PFKFB4: variants seen among roughly 807,000 people sequenced by gnomAD.
PFKFB4 encodes 6-phosphofructo-2-kinase/fructose-2,6-bisphosphatase 4.
A neutral mutation model predicts 62.8 loss-of-function variants in PFKFB4; 42 were observed. That is an observed-to-expected ratio of 0.67 (90% CI 0.52 to 0.86). The LOEUF (loss-of-function observed/expected upper bound fraction) is 0.86. PFKFB4 is among the 40% of genes least tolerant of loss of function. The pLI is 0.00. For missense variants in PFKFB4, 475 were observed against 627.2 expected, an observed-to-expected ratio of 0.76 and a Z score of 2.59; for synonymous variants, 204 against 240.7, an observed-to-expected ratio of 0.85 and a Z score of 1.41.
chr3:48,545,903 G>A (rs2042947447), intron 3 of PFKFB4, among the ~76,000 whole-genome samples: 1 of 152,154 alleles, frequency 6.6e-6, no homozygotes, highest in African/African-American at 2.4e-5. Flanking sequence ...AGAGCCCCAC[G>A]TTCTGGGCTA....
chr3:48,523,581 T>G lies in PFKFB4; in HGVS notation c.1241A>C (p.Lys414Thr). Residue 414 changes from lysine (K) to threonine (T), a missense_variant, in exon 12 of 14, where the codon AAG becomes ACG. Physicochemically the swap from Lys to Thr is moderately conservative, Grantham distance 78. Transcript: ENST00000232375. ...CTTCAGGACTGTGTGCAGCGGACAC[T>G]TGAGGTAGGGCAGCTGTTCTGTAGA... ...DKAAEQLPYLKCPLHTVLKLT... is the reference protein window; with the variant it reads ...DKAAEQLPYLTCPLHTVLKLT... The G allele has an allele frequency of 6.2e-7, 1 of 1,614,184 alleles. No homozygotes were observed. Among genetic ancestry groups the G allele is most frequent in the Non-Finnish European group, 8.5e-7 (1 of 1,180,022 alleles).
rs201114950 is a variant in PFKFB4, at chr3:48,549,937, G to A, written c.238C>T (p.Arg80Trp). The A allele has an allele frequency of 3.7e-5, 59 of 1,613,226 alleles. No individual in the cohort carries two copies. The highest frequency in any genetic ancestry group is 1.6e-4 in the Middle Eastern group (1 of 6,084). Residue 80 changes from arginine (R) to tryptophan (W), a missense_variant, in exon 3 of 14, where the codon CGG becomes TGG. By Grantham distance (101) the Arg-to-Trp change is moderately radical. Transcript: ENST00000232375. ...TREFNVGQYR[R>W]DVVKTYKSFE... ...GATTTGTAGGTCTTGACCACGTCCC[G>A]GCGATACTGGCCAACATTGAACTCT...
intron 8 of PFKFB4, 135 bp from the exon 9 acceptor site, chr3:48,535,793 T>G: frequency 1.0e-6 from 1 of 1,000,966 alleles, no homozygotes; most frequent in Non-Finnish European, 1.5e-6. Context: ...TGAACTAACT[T>G]GTCGATGACA....
In PFKFB4 at chr3:48,556,594, C is replaced by A; in HGVS notation, c.97+87G>T. ...CCCGGTTCCCCATCTGTCTCCCGCC[C>A]CTTCTCCATGCGAGACCCCCGCCCA... On this transcript the variant is annotated intron_variant, in intron 1 of 13. Transcript: ENST00000232375. This position sits in a 1 kb window ranked among gnomAD's most constrained non-coding sequence, Gnocchi z 5.7. 1 of 1,438,588 alleles carries A rather than the reference C, an allele frequency of 7.0e-7. No individual in the cohort carries two copies. The highest frequency in any genetic ancestry group is 9.4e-7 in the Non-Finnish European group (1 of 1,065,874). 89.1% of individuals were successfully genotyped at this position (1,438,588 alleles called of 1,614,324 possible).
At chr3:48,561,131 G>A, upstream of PFKFB4, 1 of 1,275,588 alleles carries the variant, frequency 7.8e-7, no homozygotes, top group South Asian at 1.3e-5. The surrounding 1 kb of genome is among the most constrained non-coding windows in gnomAD (Gnocchi z 5.2). Flanking sequence ...AACCAAACTG[G>A]CCAGGGCCAC....
chr3:48,543,594 C>G lies in PFKFB4; in HGVS notation c.364G>C (p.Gly122Arg), dbSNP rs1301741570. The change falls in exon 4 of 14, where the codon GGG becomes CGG. Residue 122 changes from glycine (G) to arginine (R), a missense_variant. Gly to Arg is a moderately radical substitution (Grantham distance 125). Coordinates refer to ENST00000232375, the MANE Select transcript of PFKFB4 (RefSeq NM_004567.4). The stretch of plus-strand genomic sequence containing the variant: ...GTCACACTCACCGCCACATGTCCCC[C>G]CTCCTCACTAAGGAACCGCCGGACG... The part of the protein sequence containing the change: ...RDVRRFLSEE[G>R]GHVAVFDATN... The G allele has an allele frequency of 2.5e-6, 4 of 1,610,624 alleles. No individual in the cohort carries two copies. Among genetic ancestry groups the G allele is most frequent in the Non-Finnish European group, 3.4e-6 (4 of 1,178,780 alleles).
At chr3:48,535,850 C>A (rs1197920516) in intron 8 of PFKFB4, among the ~76,000 whole-genome samples, 192 bp from the exon 9 acceptor site, 2 of 152,200 alleles carry the variant, frequency 1.3e-5, no homozygotes, top group Non-Finnish European at 2.9e-5. Context: ...GTGCACCCTC[C>A]CAGACCCTGA....
At position 48,538,590 on chromosome 3, in the gene PFKFB4, G is replaced by C; in HGVS notation, c.540C>G (p.Val180=). 1.2e-6 allele frequency: 2 copies of C among 1,614,206 alleles called. No individual in the cohort carries two copies. Among genetic ancestry groups the C allele is most frequent in the Non-Finnish European group, 1.7e-6 (2 of 1,180,040 alleles). The change falls in exon 7 of 14, where the codon GTC becomes GTG. Residue 180 remains valine, a synonymous_variant. Transcript: ENST00000232375. ...VQVKLGSPDY[V]NRDSDEATED... Reference sequence around the variant, plus strand: ...CCGTAGCCTCATCACTGTCGCGGTTGACATAGTCAGGGCTGCCCAGTTTCA... The same window carrying C: ...CCGTAGCCTCATCACTGTCGCGGTTCACATAGTCAGGGCTGCCCAGTTTCA...
chr3:48,539,685 A>G lies in PFKFB4; in HGVS notation c.453+12T>C, dbSNP rs774746958. Reference sequence around the variant, plus strand: ...ACAGTTCCGCCAAGGAGAGGAGCCAAGGAGGCCTCACCTTGTAGCCATTCT... The same window carrying G: ...ACAGTTCCGCCAAGGAGAGGAGCCAGGGAGGCCTCACCTTGTAGCCATTCT... On this transcript the variant is annotated intron_variant, in intron 5 of 13. Coordinates refer to ENST00000232375, the MANE Select transcript of PFKFB4 (RefSeq NM_004567.4). 6.2e-7 allele frequency: 1 copy of G among 1,606,564 alleles called. No homozygotes were observed. The highest frequency in any genetic ancestry group is 1.3e-5 in the African/African-American group (1 of 74,928).
chr3:48,520,053 G>A (rs2042049868), intron 13 of PFKFB4, among the ~76,000 whole-genome samples: 1 of 152,212 alleles, frequency 6.6e-6, no homozygotes, highest in Admixed American at 6.5e-5. Context: ...CTCCACTGCA[G>A]CCAGGTCAGG....
At chr3:48,544,168 C>T (rs1286421824) in intron 3 of PFKFB4, among the ~76,000 whole-genome samples, 4 of 151,986 alleles carry the variant, frequency 2.6e-5, no homozygotes, top group African/African-American at 7.2e-5. Flanking sequence ...TGCACCACCA[C>T]GCCCAGCTAA....
At chr3:48,551,344 T>C (rs2043142795) in intron 1 of PFKFB4, among the ~76,000 whole-genome samples, 2 of 151,038 alleles carry the variant, frequency 1.3e-5, no homozygotes, top group Admixed American at 1.3e-4. Flanking sequence ...GCCTCCCAAG[T>C]ATCTAGGATT....
chr3:48,561,435 C>T (rs898151146), upstream of PFKFB4, among the ~76,000 whole-genome samples: 2 of 152,276 alleles, frequency 1.3e-5, no homozygotes, highest in South Asian at 2.1e-4. This position sits in a 1 kb window ranked among gnomAD's most constrained non-coding sequence, Gnocchi z 5.2. Context: ...CGGGCAAGCC[C>T]GTCCACACTG....
intron 13 of PFKFB4, 49 bp from the exon 14 acceptor site, chr3:48,519,855 G>C: frequency 7.0e-7 from 1 of 1,427,026 alleles, no homozygotes; most frequent in Non-Finnish European, 9.9e-7. Flanking sequence ...GAATAGATGA[G>C]ATGCCTGCTG....
In PFKFB4 at chr3:48,550,180, C is replaced by G. The variant is rs760774056; in HGVS notation, c.152G>C (p.Gly51Ala). 1 of 1,614,066 alleles carries G rather than the reference C, an allele frequency of 6.2e-7. No homozygotes were observed. The highest frequency in any genetic ancestry group is 8.5e-7 in the Non-Finnish European group (1 of 1,180,012). The change falls in exon 2 of 14, where the codon GGC (glycine) becomes GCC (alanine). Residue 51 changes from glycine (G) to alanine (A), a missense_variant. Gly to Ala is a moderately conservative substitution (Grantham distance 60). Transcript: ENST00000232375. ...CAGCTTCTTGGAGATGTAGGTCTTG[C>G]CCCTGGCGGGCAGGCCCACCATGAC... Reference protein sequence around the residue: ...LIVMVGLPARGKTYISKKLTR... With the variant: ...LIVMVGLPARAKTYISKKLTR...
intron 8 of PFKFB4, 94 bp downstream of exon 8, chr3:48,536,162 G>C: frequency 9.7e-7 from 1 of 1,034,736 alleles, no homozygotes; most frequent in Non-Finnish European, 1.4e-6. Flanking sequence ...AAAAGAATGG[G>C]AGCCTAGCCC....
At chr3:48,522,080 C>T (rs969655310) in intron 12 of PFKFB4, 30 bp from the exon 13 acceptor site, 3 of 1,607,228 alleles carry the variant, frequency 1.9e-6, no homozygotes, top group Middle Eastern at 1.7e-4. Flanking sequence ...AATCCATCCC[C>T]ACTCCTGAAA....
rs113510180 is a variant in PFKFB4 at position 48,520,193 on chromosome 3, T to C, written c.1351-387A>G. ...GGGTTCAACTCCTGGGGGTGCCTCC[T>C]TCCTAGTTTAAAGTGTTGGCACGCA... On this transcript the variant is annotated intron_variant, in intron 13 of 13. Coordinates refer to ENST00000232375, the MANE Select transcript of PFKFB4 (RefSeq NM_004567.4). Among the ~76,000 whole-genome samples the C allele has an allele frequency of 8.1e-3, 1,231 of 152,246 alleles. 18 individuals are homozygous for C. The highest frequency in any genetic ancestry group is 0.028 in the African/African-American group (1,174 of 41,548).
At chr3:48,561,069 G>C (rs573073955), upstream of PFKFB4, 4 of 1,279,218 alleles carry the variant, frequency 3.1e-6, no homozygotes, top group South Asian at 3.8e-5. This position sits in a 1 kb window ranked among gnomAD's most constrained non-coding sequence, Gnocchi z 5.2. Context: ...GCTGCTCCCC[G>C]GCCCCAGGTC....
Sources: gnomAD v4.1 joint callset for allele counts (sites outside exome capture counted in the v4.1 genomes callset) on GRCh38, gnomAD v4.1.1 for gene constraint, Gnocchi (gnomAD v3.1) non-coding constraint, MANE v1.5 for transcripts, NCBI Gene and HGNC (gene_info 2026-07-23, HGNC 2026-07-21) for gene names.